Variants in BMPER observed in about 807,000 individuals in gnomAD.
BMPER encodes BMP-binding endothelial regulator protein.
BMPER carries 45 observed loss-of-function variants against 87.3 expected under a neutral mutation model. The ratio of observed to expected loss-of-function variants is 0.52; its 90% CI spans 0.41 to 0.66. The LOEUF (loss-of-function observed/expected upper bound fraction) is 0.66, where lower values mean the gene tolerates loss of function less well. BMPER is among the 30% of genes least tolerant of loss of function. The pLI, the probability that BMPER is intolerant of heterozygous loss-of-function variation, is 0.00. For missense variants in BMPER, 784 were observed against 867.5 expected (o/e 0.90, Z 1.21); for synonymous variants, 326 against 316.2 (o/e 1.03, Z -0.33).
intron 6 of BMPER, among the ~76,000 whole-genome samples, chr7:34,015,641 G>C (rs1335474325): frequency 6.6e-6 from 1 of 151,956 alleles, no homozygotes; most frequent in Admixed American, 6.6e-5. Flanking sequence ...TCCCTATGCA[G>C]TTGAGCACAT....
chr7:34,143,468 C>G (rs999410769), intron 14 of BMPER, 108 bp downstream of exon 14: 2 of 1,520,552 alleles, frequency 1.3e-6, no homozygotes, highest in African/African-American at 2.8e-5. Context: ...GCCCCCTTGC[C>G]AGAGGAAAAT....
At chr7:34,001,936 A>G (rs766233528) in intron 6 of BMPER, among the ~76,000 whole-genome samples, 67 of 151,710 alleles carry the variant, frequency 4.4e-4, no homozygotes, top group Non-Finnish European at 6.6e-4. Context: ...GGTTTTGGGA[A>G]TGTGTTGTTT....
In BMPER at chr7:34,001,868, T is replaced by C. The variant is rs984616019; in HGVS notation, c.576+27084T>C. Among the ~76,000 whole-genome samples, 3 of 151,708 alleles carry C rather than the reference T, an allele frequency of 2.0e-5. No individual in the cohort carries two copies. In the East Asian group the frequency reaches 5.8e-4, roughly 29 times the overall value. On this transcript the variant is annotated intron_variant, in intron 6 of 14. Coordinates refer to ENST00000649409, the MANE Select transcript of BMPER (RefSeq NM_001365308.1). ...TGGTTATATCCCATAAGTGTTTTTA[T>C]TTTCATTCATCTAAAAGAATTTTCT...
In BMPER at chr7:34,079,663, G is replaced by A. The variant is rs149703669; in HGVS notation, c.1408+477G>A. ...AGTCTTTGCAGCGGAGTCCTCAAAA[G>A]TAAACAGCTTAGTATCAGTGATGTT... is the stretch of plus-strand genomic sequence containing the variant. On this transcript the variant is annotated intron_variant, in intron 12 of 14. Transcript: ENST00000649409. Among the ~76,000 whole-genome samples the A allele has an allele frequency of 2.1e-3, 323 of 152,318 alleles. 1 individual carries two copies. The highest frequency in any genetic ancestry group is 7.4e-3 in the African/African-American group (308 of 41,572).
chr7:34,081,607 C>T (rs80315386), intron 12 of BMPER, among the ~76,000 whole-genome samples: 3,206 of 152,356 alleles, frequency 0.021, 107 homozygotes, highest in African/African-American at 0.074. Flanking sequence ...CCCACCCCAA[C>T]TCTTGACACT....
rs1365885 is a variant in BMPER at position 33,986,965 on chromosome 7, T to A, written c.576+12181T>A. Among the ~76,000 whole-genome samples the A allele has an allele frequency of 2.9e-3, 438 of 152,176 alleles. 3 individuals are homozygous for A. The highest frequency in any genetic ancestry group is 1.0e-2 in the African/African-American group (415 of 41,532). ...GCTCCCCTCCCCTCCTGTGCCCTTC[T>A]GTTCCATCTCCTTCCCCGCCTGCTT... On this transcript the variant is annotated intron_variant, in intron 6 of 14. Coordinates refer to ENST00000649409, the MANE Select transcript of BMPER (RefSeq NM_001365308.1).
At chr7:34,062,309 G>T (rs1182278591) in intron 11 of BMPER, among the ~76,000 whole-genome samples, 3 of 152,150 alleles carry the variant, frequency 2.0e-5, no homozygotes, top group Admixed American at 6.5e-5. Flanking sequence ...GTTTTAAAAA[G>T]GACCAGATAA....
intron 13 of BMPER, among the ~76,000 whole-genome samples, chr7:34,142,380 AC>A (rs1253492984): frequency 6.6e-6 from 1 of 152,194 alleles, no homozygotes; most frequent in Non-Finnish European, 1.5e-5. Flanking sequence ...TGCCTTGTTT[AC>A]CATCCAGTGA....
At chr7:33,937,641 C>G (rs1784639676) in intron 3 of BMPER, 1 of 499,182 alleles carries the variant, frequency 2.0e-6, no homozygotes, top group Middle Eastern at 5.6e-4. Context: ...GGTTTGTTTT[C>G]TAAGGCAGGT....
At chr7:34,069,016 T>C (rs1427357181) in intron 11 of BMPER, among the ~76,000 whole-genome samples, 1 of 152,232 alleles carries the variant, frequency 6.6e-6, no homozygotes, top group Non-Finnish European at 1.5e-5. Flanking sequence ...CATAGTTCAA[T>C]TAAAAGCTAG....
At chr7:34,100,864 C>G (rs530421424) in intron 13 of BMPER, among the ~76,000 whole-genome samples, 5 of 152,306 alleles carry the variant, frequency 3.3e-5, no homozygotes, top group Middle Eastern at 3.4e-3. Context: ...CAGAGACACA[C>G]ATGCTCAGAC....
chr7:34,035,386 T>C (rs1048165548), intron 6 of BMPER, among the ~76,000 whole-genome samples: 2 of 152,188 alleles, frequency 1.3e-5, no homozygotes, highest in Admixed American at 6.5e-5. Context: ...CTCAAATGTA[T>C]ATTGAAAGGG....
chr7:34,071,182 ACTTT>A (rs1788728120), intron 11 of BMPER, among the ~76,000 whole-genome samples: 1 of 152,148 alleles, frequency 6.6e-6, no homozygotes, highest in Admixed American at 6.5e-5. Context: ...ACAAATCTAT[ACTTT>A]CTAAGTTCAT....
chr7:33,928,226 T>C (rs1436299198), intron 2 of BMPER, among the ~76,000 whole-genome samples: 1 of 152,170 alleles, frequency 6.6e-6, no homozygotes, highest in Non-Finnish European at 1.5e-5. Context: ...TCGGTTCACA[T>C]GCCTGGCAGA....
intron 13 of BMPER, among the ~76,000 whole-genome samples, chr7:34,137,866 C>G (rs60359716): frequency 0.041 from 6,209 of 152,196 alleles, 269 homozygotes; most frequent in African/African-American, 0.11. Context: ...ATGCCAAGAA[C>G]TTTGAATTTT....
At chr7:34,024,158 T>TACC (rs1384295065) in intron 6 of BMPER, among the ~76,000 whole-genome samples, 1 of 150,488 alleles carries the variant, frequency 6.6e-6, no homozygotes, top group Non-Finnish European at 1.5e-5. Context: ...AGGAGTTCAA[T>TACC]ACCAGTCTGA....
At chr7:34,129,628 G>GAGAGAAAGAAAGAA (rs1790514200) in intron 13 of BMPER, among the ~76,000 whole-genome samples, 1 of 142,284 alleles carries the variant, frequency 7.0e-6, no homozygotes, top group Non-Finnish European at 1.5e-5. Context: ...GAGAGAGAAA[G>GAGAGAAAGAAAGAA]AGAGAAAGAA....
chr7:33,980,302 G>T (rs1422951321), intron 6 of BMPER, among the ~76,000 whole-genome samples: 1 of 152,196 alleles, frequency 6.6e-6, no homozygotes, highest in East Asian at 1.9e-4. Flanking sequence ...ATACCAGAGT[G>T]CATTCTTTAT....
intron 6 of BMPER, among the ~76,000 whole-genome samples, chr7:34,007,146 G>A (rs779743072): frequency 8.6e-5 from 13 of 151,972 alleles, no homozygotes; most frequent in East Asian, 1.9e-4. Flanking sequence ...TAGGACCTTA[G>A]CATTGAAAAG....
Sources: allele counts gnomAD v4.1 joint callset (sites outside exome capture counted in the v4.1 genomes callset), GRCh38; gene constraint gnomAD v4.1.1; transcripts MANE v1.5; gene names NCBI Gene and HGNC (gene_info 2026-07-23, HGNC 2026-07-21).